Variants in PGBD5 observed in about 807,000 individuals in gnomAD.
The protein encoded by PGBD5 is piggyBac transposable element-derived protein 5.
Under a neutral mutation model 47.9 loss-of-function variants are expected in PGBD5, and 14 were observed. The observed-to-expected ratio is 0.29, with a 90% CI of 0.19 to 0.46. The LOEUF is 0.46. Ranked by LOEUF, PGBD5 falls within the 20% of genes least tolerant of loss-of-function variation. The pLI, the probability that PGBD5 is intolerant of heterozygous loss-of-function variation, is 1.00. For synonymous variants in PGBD5, 316 were observed against 306.3 expected, an observed-to-expected ratio of 1.03 and a Z score of -0.33; for missense variants, 635 against 716.0, an observed-to-expected ratio of 0.89 and a Z score of 1.29.
intron 1 of PGBD5, among the ~76,000 whole-genome samples, chr1:230,381,975 T>G (rs1656512113): frequency 6.6e-6 from 1 of 152,108 alleles, no homozygotes; most frequent in East Asian, 1.9e-4. Flanking sequence ...ATTCACAGCT[T>G]TAAAAAAAAT....
At chr1:230,409,626 T>C (rs1462748411) in intron 1 of PGBD5, among the ~76,000 whole-genome samples, 2 of 152,192 alleles carry the variant, frequency 1.3e-5, no homozygotes, top group African/African-American at 2.4e-5. Flanking sequence ...ATTCCATGTA[T>C]ATGAAATGTC....
At chr1:230,341,641 T>A (rs902373550) in intron 3 of PGBD5, among the ~76,000 whole-genome samples, 1 of 152,196 alleles carries the variant, frequency 6.6e-6, no homozygotes, top group Admixed American at 6.5e-5. Context: ...GATGTGTGAC[T>A]ACTTCCTGGT....
intron 1 of PGBD5, among the ~76,000 whole-genome samples, chr1:230,402,351 G>A (rs557113869): frequency 6.6e-6 from 1 of 152,200 alleles, no homozygotes; most frequent in Non-Finnish European, 1.5e-5. Context: ...GTCCAGGAAC[G>A]CTTCTCCAGA....
At chr1:230,422,456 C>T (rs1486534849) in intron 1 of PGBD5, among the ~76,000 whole-genome samples, 2 of 152,134 alleles carry the variant, frequency 1.3e-5, no homozygotes, top group Non-Finnish European at 2.9e-5. Context: ...GGGATATATG[C>T]TGCAAGTCTG....
intron 1 of PGBD5, among the ~76,000 whole-genome samples, chr1:230,400,334 C>T (rs901134692): frequency 6.6e-6 from 1 of 152,088 alleles, no homozygotes; most frequent in African/African-American, 2.4e-5. Context: ...CGCCTTCCAC[C>T]CCTCCCCCAC....
chr1:230,377,700 A>C lies in PGBD5; in HGVS notation c.332-20379T>G. ...TCATTTCCCCATCTGTAAAATGGCA[A>C]AGATTAGAGTATCCACCTCAAAGAG... is the stretch of plus-strand genomic sequence containing the variant. On this transcript the variant is annotated intron_variant, in intron 1 of 6. Coordinates refer to ENST00000391860, the MANE Select transcript of PGBD5 (RefSeq NM_001258311.2). 3 of 1,443,512 alleles carry C rather than the reference A, an allele frequency of 2.1e-6. No homozygotes were observed. The South Asian group carries it at 4.5e-5, about 22-fold the overall frequency. 89.4% of individuals were successfully genotyped at this position (1,443,512 alleles called of 1,614,324 possible). A position where few individuals can be genotyped will look rare whatever the true frequency, so the allele number is the denominator to read the frequency against.
Position 230,316,038 on chromosome 1 carries a change from GTA to G in PGBD5, c.*7385_*7386del, listed in dbSNP as rs1389165156. The G allele has an allele frequency of 5.2e-5, 4 of 76,428 alleles. No individual in the cohort carries two copies. The highest frequency in any genetic ancestry group is 1.6e-4 in the African/African-American group (3 of 18,902). The allele number at this position is 76,428 out of a possible 1,614,324, so 4.7% of individuals were successfully genotyped here. ...TATATGTATGTGTATACATACATAA[GTA>G]TATGTGTACACATATATGTATGTGT... On this transcript the variant is annotated 3_prime_UTR_variant, in exon 7 of 7. Coordinates refer to ENST00000391860, the MANE Select transcript of PGBD5 (RefSeq NM_001258311.2).
intron 1 of PGBD5, among the ~76,000 whole-genome samples, chr1:230,379,021 A>G (rs1369984404): frequency 6.6e-6 from 1 of 152,110 alleles, no homozygotes; most frequent in Admixed American, 6.5e-5. Context: ...AGCCACCCCA[A>G]GGACTAGGGG....
intron 2 of PGBD5, among the ~76,000 whole-genome samples, chr1:230,354,493 G>A (rs922042432): frequency 4.0e-5 from 6 of 150,922 alleles, no homozygotes; most frequent in Non-Finnish European, 8.8e-5. Context: ...CCTATGATCA[G>A]CCCCTTAAAC....
intron 1 of PGBD5, among the ~76,000 whole-genome samples, chr1:230,420,466 C>A (rs1333607618): frequency 6.6e-6 from 1 of 152,204 alleles, no homozygotes; most frequent in Non-Finnish European, 1.5e-5. Flanking sequence ...CCACCCAAAT[C>A]TCACCTTGAA....
At chr1:230,397,674 A>T (rs1657034734) in intron 1 of PGBD5, among the ~76,000 whole-genome samples, 1 of 152,268 alleles carries the variant, frequency 6.6e-6, no homozygotes, top group African/African-American at 2.4e-5. Flanking sequence ...CTGGGCATAC[A>T]CAGAGGCAAA....
At chr1:230,356,281 A>G (rs1377219427) in intron 2 of PGBD5, among the ~76,000 whole-genome samples, 1 of 152,164 alleles carries the variant, frequency 6.6e-6, no homozygotes, top group African/African-American at 2.4e-5. Flanking sequence ...TCCCAGGTGC[A>G]AGTGGATACC....
At chr1:230,335,663 A>AGC (rs1396217640) in intron 4 of PGBD5, among the ~76,000 whole-genome samples, 1 of 97,282 alleles carries the variant, frequency 1.0e-5, no homozygotes, top group African/African-American at 3.1e-5. Context: ...AAACAGACAC[A>AGC]CACAGATACA....
chr1:230,327,371 C>T (rs1036068830), intron 5 of PGBD5, among the ~76,000 whole-genome samples: 6 of 152,320 alleles, frequency 3.9e-5, no homozygotes, highest in Admixed American at 1.3e-4. Context: ...ACTGAGGGAC[C>T]GTGGCTGAGG....
rs1205011077 is a variant in PGBD5 at position 230,385,077 on chromosome 1, G to GT, written c.332-27757dup. On this transcript the variant is annotated intron_variant, in intron 1 of 6. Transcript: ENST00000391860. ...CCCAGCATGCCACATGAAGAGGCGT[G>GT]TATTTTTTTTTTCCCCCTCATATGA... Among the ~76,000 whole-genome samples, 14 of 152,286 alleles carry GT rather than the reference G, an allele frequency of 9.2e-5. No individual in the cohort carries two copies. The East Asian group carries it at 2.5e-3, about 27-fold the overall frequency.
chr1:230,404,714 A>C (rs7535049), intron 1 of PGBD5, among the ~76,000 whole-genome samples: 31,400 of 149,924 alleles, frequency 0.21, 3,811 homozygotes, highest in Admixed American at 0.37. Flanking sequence ...TGGCAGATCA[A>C]CTGAGGTCAG....
intron 2 of PGBD5, among the ~76,000 whole-genome samples, chr1:230,353,950 C>A (rs1667596934): frequency 6.6e-6 from 1 of 152,170 alleles, no homozygotes; most frequent in African/African-American, 2.4e-5. Flanking sequence ...AGCATAAATG[C>A]AGGAGCCGAG....
At chr1:230,377,495 T>C in intron 1 of PGBD5, 1 of 1,612,680 alleles carries the variant, frequency 6.2e-7, no homozygotes. Flanking sequence ...AAGACAGCTG[T>C]ACCTGTGAAT....
In PGBD5 at chr1:230,369,238, C is replaced by T. The variant is rs186700774; in HGVS notation, c.332-11917G>A. 1.3e-3 allele frequency among the ~76,000 whole-genome samples: 194 copies of T among 152,362 alleles called. 1 individual carries two copies. Among genetic ancestry groups the T allele is most frequent in the African/African-American group, 4.4e-3 (185 of 41,574 alleles). On this transcript the variant is annotated intron_variant, in intron 1 of 6. Transcript: ENST00000391860. ...AGACTTCCACCCCAGGACAGGAATC[C>T]CGCTTAAGAAGCAGCTCCTTGGAAG...
Sources: allele counts gnomAD v4.1 joint callset (sites outside exome capture counted in the v4.1 genomes callset), GRCh38; gene constraint gnomAD v4.1.1; transcripts MANE v1.5; gene names NCBI Gene and HGNC (gene_info 2026-07-23, HGNC 2026-07-21).